CCND2: variants seen among roughly 807,000 people sequenced by gnomAD.
The protein encoded by CCND2 is G1/S-specific cyclin-D2.
Under a neutral mutation model 30.2 loss-of-function variants are expected in CCND2, and 6 were observed. The ratio of observed to expected loss-of-function variants is 0.20; its 90% CI spans 0.11 to 0.39. The LOEUF is 0.39. Among genes scored for constraint, CCND2 ranks in the 10% least tolerant of loss-of-function variants. The probability of loss-of-function intolerance (pLI) is 1.00; values close to 1 mark genes in which losing one functional copy is unlikely to be tolerated. For missense variants in CCND2, 235 were observed against 373.4 expected (o/e 0.63, Z 3.06); for synonymous variants, 150 against 153.1 (o/e 0.98, Z 0.15).
Position 4,299,913 on chromosome 12 carries a change from G to C in CCND2, c.774G>C (p.Leu258=), listed in dbSNP as rs1225460078. The change falls in exon 5 of 5, where the codon CTG becomes CTC. Residue 258 remains leucine, a synonymous_variant. Coordinates refer to ENST00000261254, the MANE Select transcript of CCND2 (RefSeq NM_001759.4). The surrounding 1 kb of genome is among the most constrained non-coding windows in gnomAD (Gnocchi z 5.2). The stretch of plus-strand genomic sequence containing the variant: ...TTGAGGCGGTGCTCCTCAATAGCCT[G>C]CAGCAGTACCGTCAGGACCAACGTG... ...EQIEAVLLNS[L]QQYRQDQRDG... 1 of 1,614,190 alleles carries C rather than the reference G, an allele frequency of 6.2e-7. No homozygotes were observed. Among genetic ancestry groups the C allele is most frequent in the Admixed American group, 1.7e-5 (1 of 60,030 alleles).
intron 3 of CCND2, among the ~76,000 whole-genome samples, chr12:4,286,174 G>A (rs1864020150): frequency 6.6e-6 from 1 of 152,084 alleles, no homozygotes; most frequent in Non-Finnish European, 1.5e-5. Context: ...TACTCTTAAC[G>A]ACATACGGTG....
rs1244310659 is a variant in CCND2, at chr12:4,274,863, A to G, written c.195+628A>G. On this transcript the variant is annotated intron_variant, in intron 1 of 4. Coordinates refer to ENST00000261254, the MANE Select transcript of CCND2 (RefSeq NM_001759.4). The surrounding 1 kb of genome is among the most constrained non-coding windows in gnomAD (Gnocchi z 7.7). ...CAGCGAGCCGTGTGCCCACGTATGC[A>G]CAGCTCTGGACCTGCCGTGGTTTCG... Among the ~76,000 whole-genome samples the G allele has an allele frequency of 1.3e-5, 2 of 152,172 alleles. No homozygotes were observed. The highest frequency in any genetic ancestry group is 4.8e-5 in the African/African-American group (2 of 41,430).
chr12:4,299,008 ATATCTT>A lies in CCND2; in HGVS notation c.721-848_721-843del, dbSNP rs991835385. 8.5e-5 allele frequency among the ~76,000 whole-genome samples: 13 copies of A among 152,200 alleles called. No individual in the cohort carries two copies. Among genetic ancestry groups the A allele is most frequent in the Admixed American group, 4.6e-4 (7 of 15,286 alleles). ...CAGAATGTTGTAGACATTCTGCATT[ATATCTT>A]TATGAGAGTTAAGGAAATGGTAAAG... On this transcript the variant is annotated intron_variant, in intron 4 of 4. Transcript: ENST00000261254. The surrounding 1 kb of genome is among the most constrained non-coding windows in gnomAD (Gnocchi z 5.2).
At chr12:4,279,168 A>G (rs1863913739) in intron 3 of CCND2, among the ~76,000 whole-genome samples, 1 of 152,238 alleles carries the variant, frequency 6.6e-6, no homozygotes, top group African/African-American at 2.4e-5. Context: ...AAAAAAAATT[A>G]GTGCCTGTTA....
chr12:4,283,133 CTT>C (rs1863972987), intron 3 of CCND2, among the ~76,000 whole-genome samples: 1 of 152,226 alleles, frequency 6.6e-6, no homozygotes, highest in Non-Finnish European at 1.5e-5. Flanking sequence ...GCTCTGAACT[CTT>C]TATTTGGTAA....
In CCND2 at chr12:4,300,441, G is replaced by A; in HGVS notation, c.*432G>A. 4.2e-6 allele frequency: 1 copy of A among 236,462 alleles called. No individual in the cohort carries two copies. Among genetic ancestry groups the A allele is most frequent in the Non-Finnish European group, 8.3e-6 (1 of 119,896 alleles). The allele number at this position is 236,462 out of a possible 1,614,324, so 14.6% of individuals were successfully genotyped here. On this transcript the variant is annotated 3_prime_UTR_variant, in exon 5 of 5. Transcript: ENST00000261254. Reference sequence around the variant, plus strand: ...GTGTACGCCATTTATGGCATGATTAGATTGCAAAGCAATGAACTCAAGAAG... The same window carrying A: ...GTGTACGCCATTTATGGCATGATTAAATTGCAAAGCAATGAACTCAAGAAG...
In CCND2 at chr12:4,293,929, C is replaced by G. The variant is rs1247815098; in HGVS notation, c.720+4939C>G. 6.6e-6 allele frequency among the ~76,000 whole-genome samples: 1 copy of G among 152,122 alleles called. No individual in the cohort carries two copies. Among genetic ancestry groups the G allele is most frequent in the South Asian group, 2.1e-4 (1 of 4,826 alleles). On this transcript the variant is annotated intron_variant, in intron 4 of 4. Coordinates refer to ENST00000261254, the MANE Select transcript of CCND2 (RefSeq NM_001759.4). This position sits in a 1 kb window ranked among gnomAD's most constrained non-coding sequence, Gnocchi z 4.9. ...GGGGGCTGATGCCTCCCTCTCCTGC[C>G]TCATTTTTCTGTGGGCCTCATTTGG...
chr12:4,291,390 AT>A (rs1435462043), intron 4 of CCND2, among the ~76,000 whole-genome samples: 1 of 152,130 alleles, frequency 6.6e-6, no homozygotes, highest in Admixed American at 6.5e-5. Context: ...TCTGTTTACC[AT>A]TTCACGAGTC....
intron 3 of CCND2, among the ~76,000 whole-genome samples, chr12:4,281,591 C>CG (rs986874182): frequency 6.6e-6 from 1 of 151,680 alleles, no homozygotes; most frequent in Admixed American, 6.6e-5. Context: ...GAAACACCTG[C>CG]GGCCAGGGTC....
chr12:4,303,108 C>G lies in CCND2; in HGVS notation c.*3099C>G, dbSNP rs779365017. On this transcript the variant is annotated 3_prime_UTR_variant, in exon 5 of 5. Coordinates refer to ENST00000261254, the MANE Select transcript of CCND2 (RefSeq NM_001759.4). The surrounding 1 kb of genome is among the most constrained non-coding windows in gnomAD (Gnocchi z 4.6). ...AGAAGCAGCAAATGAAAGAACCGGA[C>G]AAATAAGGAAGGGCACAAGCCTACC... 1 of 233,224 alleles carries G rather than the reference C, an allele frequency of 4.3e-6. No homozygotes were observed. Among genetic ancestry groups the G allele is most frequent in the Non-Finnish European group, 8.5e-6 (1 of 118,064 alleles). The allele number at this position is 233,224 out of a possible 1,614,324, so 14.4% of individuals were successfully genotyped here. A position where few individuals can be genotyped will look rare whatever the true frequency, so the allele number is the denominator to read the frequency against.
rs1864014726 is a variant in CCND2 at position 4,285,769 on chromosome 12, C to G, written c.572-3073C>G. 6.6e-6 allele frequency among the ~76,000 whole-genome samples: 1 copy of G among 152,180 alleles called. No individual in the cohort carries two copies. Among genetic ancestry groups the G allele is most frequent in the African/African-American group, 2.4e-5 (1 of 41,428 alleles). On this transcript the variant is annotated intron_variant, in intron 3 of 4. Transcript: ENST00000261254. This position sits in a 1 kb window ranked among gnomAD's most constrained non-coding sequence, Gnocchi z 4.1. Reference sequence around the variant, plus strand: ...TAATTACAGCTAGGAAGCTAGTGCACAGATGAAATGATGTTTGATTTTTTT... The same window carrying G: ...TAATTACAGCTAGGAAGCTAGTGCAGAGATGAAATGATGTTTGATTTTTTT...
At chr12:4,291,345 A>G (rs1274297345) in intron 4 of CCND2, among the ~76,000 whole-genome samples, 2 of 152,076 alleles carry the variant, frequency 1.3e-5, no homozygotes, top group African/African-American at 4.8e-5. Context: ...AGAACACATT[A>G]GTGTTTGGAG....
chr12:4,292,719 G>A lies in CCND2; in HGVS notation c.720+3729G>A, dbSNP rs571561509. On this transcript the variant is annotated intron_variant, in intron 4 of 4. Transcript: ENST00000261254. ...TTTTAAATACTTTTTCCTTCCAATC[G>A]TAAGAGTTGCTAAAAACAGCCAGAG... Among the ~76,000 whole-genome samples the A allele has an allele frequency of 5.9e-5, 9 of 152,194 alleles. No individual in the cohort carries two copies. In the South Asian group the frequency reaches 1.0e-3, roughly 18 times the overall value.
rs533527692 is a variant in CCND2 at position 4,286,276 on chromosome 12, T to C, written c.572-2566T>C. 3.3e-5 allele frequency among the ~76,000 whole-genome samples: 5 copies of C among 152,302 alleles called. No individual in the cohort carries two copies. In the South Asian group the frequency reaches 1.0e-3, roughly 32 times the overall value. On this transcript the variant is annotated intron_variant, in intron 3 of 4. Coordinates refer to ENST00000261254, the MANE Select transcript of CCND2 (RefSeq NM_001759.4). ...ACCCACAAATGCATTTCATGACCCA[T>C]TAATGAGTTGCAGCTAGAAGTTAGA...
intron 3 of CCND2, among the ~76,000 whole-genome samples, chr12:4,286,159 A>G (rs1229946261): frequency 6.6e-6 from 1 of 152,194 alleles, no homozygotes; most frequent in Non-Finnish European, 1.5e-5. Flanking sequence ...TCTCCGAACA[A>G]TATTTACTCT....
Position 4,276,266 on chromosome 12 carries a change from TC to T in CCND2, c.411+50del. 1.3e-6 allele frequency: 2 copies of T among 1,537,058 alleles called. No homozygotes were observed. Among genetic ancestry groups the T allele is most frequent in the Non-Finnish European group, 8.9e-7 (1 of 1,120,170 alleles). On this transcript the variant is annotated intron_variant, in intron 2 of 4. Coordinates refer to ENST00000261254, the MANE Select transcript of CCND2 (RefSeq NM_001759.4). This position sits in a 1 kb window ranked among gnomAD's most constrained non-coding sequence, Gnocchi z 4.8. Reference sequence around the variant, plus strand: ...CCCTTCCTTTCTGCGATTCCCGCTTTCCCCTGGCCAACAATATGCCTTCTAT... The same window carrying T: ...CCCTTCCTTTCTGCGATTCCCGCTTTCCCTGGCCAACAATATGCCTTCTAT...
At chr12:4,277,785 A>G (rs1189565965) in intron 2 of CCND2, among the ~76,000 whole-genome samples, 1 of 152,232 alleles carries the variant, frequency 6.6e-6, no homozygotes, top group African/African-American at 2.4e-5. Flanking sequence ...GGTGAATGGG[A>G]GAGAGGGTGC....
intron 2 of CCND2, among the ~76,000 whole-genome samples, chr12:4,277,425 T>G (rs1863889701): frequency 6.6e-6 from 1 of 152,220 alleles, no homozygotes; most frequent in Non-Finnish European, 1.5e-5. Context: ...AAGGCAGATT[T>G]TAAAGCTTAT....
intron 3 of CCND2, among the ~76,000 whole-genome samples, chr12:4,286,370 C>T (rs961687414): frequency 5.9e-5 from 9 of 152,230 alleles, no homozygotes; most frequent in Non-Finnish European, 1.2e-4. Flanking sequence ...GAGGAAGTGA[C>T]TTGCCCACAG....
Sources: gnomAD v4.1 joint callset for allele counts (sites outside exome capture counted in the v4.1 genomes callset) on GRCh38, gnomAD v4.1.1 for gene constraint, Gnocchi (gnomAD v3.1) non-coding constraint, MANE v1.5 for transcripts, NCBI Gene and HGNC (gene_info 2026-07-23, HGNC 2026-07-21) for gene names.